HSD17B3: variants seen among roughly 807,000 people sequenced by gnomAD.
HSD17B3 encodes hydroxysteroid 17-beta dehydrogenase 3.
Under a neutral mutation model 41.1 loss-of-function variants are expected in HSD17B3, and 29 were observed. That is an observed-to-expected ratio of 0.71 (90% CI 0.53 to 0.96). The LOEUF (loss-of-function observed/expected upper bound fraction) is 0.96. Ranked by LOEUF, HSD17B3 falls within the 40% of genes least tolerant of loss-of-function variation. The pLI, the probability that HSD17B3 is intolerant of heterozygous loss-of-function variation, is 0.00. For synonymous variants in HSD17B3, 126 were observed against 145.6 expected, an observed-to-expected ratio of 0.87 and a Z score of 0.97; for missense variants, 323 against 374.6, an observed-to-expected ratio of 0.86 and a Z score of 1.14.
chr9:96,274,423 T>A (rs280657), intron 2 of HSD17B3, among the ~76,000 whole-genome samples: 53,082 of 152,088 alleles, frequency 0.35, 9,525 homozygotes, highest in Middle Eastern at 0.39. Context: ...ATTGCACCAC[T>A]GCACTACAGC....
chr9:96,290,206 T>G (rs1219020141), intron 2 of HSD17B3, among the ~76,000 whole-genome samples: 1 of 152,144 alleles, frequency 6.6e-6, no homozygotes. Flanking sequence ...CAAGTAATGC[T>G]TGAAATTCTT....
chr9:96,277,370 A>T (rs1826505977), intron 2 of HSD17B3, among the ~76,000 whole-genome samples: 1 of 152,226 alleles, frequency 6.6e-6, no homozygotes, highest in African/African-American at 2.4e-5. Flanking sequence ...ACTTAATAGC[A>T]AAACAAAACA....
chr9:96,297,043 A>C lies in HSD17B3; in HGVS notation c.201+1373T>G, dbSNP rs577499840. ...GAGCAAGTGTCTCAAAAAAAAAAAAACCCACAGTTTTGACATAAGAAAATG... is the reference window on the plus strand; with the variant it reads ...GAGCAAGTGTCTCAAAAAAAAAAAACCCCACAGTTTTGACATAAGAAAATG... On this transcript the variant is annotated intron_variant, in intron 2 of 10. Transcript: ENST00000375263. Among the ~76,000 whole-genome samples, 1,154 of 151,472 alleles carry C rather than the reference A, an allele frequency of 7.6e-3. 7 individuals carry two copies. Among genetic ancestry groups the C allele is most frequent in the South Asian group, 0.013 (64 of 4,812 alleles).
chr9:96,249,671 G>T, intron 6 of HSD17B3, 80 bp downstream of exon 6: 1 of 1,259,572 alleles, frequency 7.9e-7, no homozygotes, highest in Non-Finnish European at 1.2e-6. Flanking sequence ...CTTCTACAGT[G>T]GATGGGCACA....
At chr9:96,284,655 T>C (rs1326167101) in intron 2 of HSD17B3, among the ~76,000 whole-genome samples, 1 of 152,212 alleles carries the variant, frequency 6.6e-6, no homozygotes, top group East Asian at 1.9e-4. Context: ...ACAAGGTTTC[T>C]GACCCATAGT....
At chr9:96,272,237 T>C (rs2130763011) in intron 2 of HSD17B3, among the ~76,000 whole-genome samples, 1 of 150,140 alleles carries the variant, frequency 6.7e-6, no homozygotes, top group South Asian at 2.1e-4. Context: ...GGTGTGGTGG[T>C]ACGGACCTGT....
rs1356271154 is a variant in HSD17B3, at chr9:96,245,391, A to G, written c.560T>C (p.Ile187Thr). The change falls in exon 8 of 11, where the codon ATA becomes ACA. Residue 187 changes from isoleucine to threonine, a missense_variant. By Grantham distance (89) the Ile-to-Thr change is moderately conservative. Transcript: ENST00000375263. ...KGLILNISSG[I>T]ALFPWPLYSM... ...GTAGAGAGGCCAAGGAAACAGGGCT[A>G]TCCCAGAAGAAATGTTCAGGATGAG... 6.2e-7 allele frequency: 1 copy of G among 1,614,170 alleles called. No individual in the cohort carries two copies. Among genetic ancestry groups the G allele is most frequent in the Non-Finnish European group, 8.5e-7 (1 of 1,179,974 alleles).
At chr9:96,275,852 CA>C (rs1715586598) in intron 2 of HSD17B3, among the ~76,000 whole-genome samples, 2 of 151,804 alleles carry the variant, frequency 1.3e-5, no homozygotes, top group Non-Finnish European at 2.9e-5. Flanking sequence ...AACCACAAAA[CA>C]GACAGAAAAC....
intron 10 of HSD17B3, among the ~76,000 whole-genome samples, chr9:96,238,518 C>T (rs1836312587): frequency 6.6e-6 from 1 of 152,138 alleles, no homozygotes; most frequent in Non-Finnish European, 1.5e-5. Context: ...AAAAATTAGC[C>T]AGTTGTGGCA....
At position 96,299,586 on chromosome 9, in the gene HSD17B3, T is replaced by C. The variant is rs187905202; in HGVS notation, c.155-1124A>G. Among the ~76,000 whole-genome samples the C allele has an allele frequency of 8.5e-5, 13 of 152,324 alleles. No individual in the cohort carries two copies. The East Asian group carries it at 2.3e-3, about 27-fold the overall frequency. On this transcript the variant is annotated intron_variant, in intron 1 of 10. Transcript: ENST00000375263. Reference sequence around the variant, plus strand: ...CTTCTAGTGTTTTAGATGCATCATCTCATTTAATGTTCAAAACAAACCTAA... The same window carrying C: ...CTTCTAGTGTTTTAGATGCATCATCCCATTTAATGTTCAAAACAAACCTAA...
intron 1 of HSD17B3, among the ~76,000 whole-genome samples, chr9:96,301,450 C>T (rs8190490): frequency 0.16 from 23,298 of 150,154 alleles, 2,505 homozygotes; most frequent in Admixed American, 0.3. Flanking sequence ...CGGTGGCTCA[C>T]GCCTGTAATC....
intron 2 of HSD17B3, among the ~76,000 whole-genome samples, chr9:96,267,682 G>C (rs1826091973): frequency 6.6e-6 from 1 of 151,938 alleles, no homozygotes; most frequent in Non-Finnish European, 1.5e-5. Context: ...TTGCAGAAAG[G>C]AAAGCAAAGG....
rs8190506 is a variant in HSD17B3, at chr9:96,298,111, T to C, written c.201+305A>G. On this transcript the variant is annotated intron_variant, in intron 2 of 10. Coordinates refer to ENST00000375263, the MANE Select transcript of HSD17B3 (RefSeq NM_000197.2). Reference sequence around the variant, plus strand: ...TAAATAAAAGGAAAGTAGTTTATAATGTTTTGAAAAAATTAAAGTATATAA... The same window carrying C: ...TAAATAAAAGGAAAGTAGTTTATAACGTTTTGAAAAAATTAAAGTATATAA... Among the ~76,000 whole-genome samples, 705 of 152,334 alleles carry C rather than the reference T, an allele frequency of 4.6e-3. 8 individuals are homozygous for C. The highest frequency in any genetic ancestry group is 0.015 in the African/African-American group (627 of 41,576).
At chr9:96,269,840 G>T (rs938124442) in intron 2 of HSD17B3, among the ~76,000 whole-genome samples, 3 of 148,316 alleles carry the variant, frequency 2.0e-5, no homozygotes, top group African/African-American at 7.5e-5. Context: ...GGAGGCAAAA[G>T]TTGCCGTGAG....
At chr9:96,269,418 A>C in intron 2 of HSD17B3, among the ~76,000 whole-genome samples, 1 of 152,184 alleles carries the variant, frequency 6.6e-6, no homozygotes, top group East Asian at 1.9e-4. Flanking sequence ...AAGTGTTTCT[A>C]TCAGCAAAAA....
intron 6 of HSD17B3, 195 bp downstream of exon 6, chr9:96,249,556 A>G (rs1333708661): frequency 1.6e-6 from 1 of 621,348 alleles, no homozygotes; most frequent in East Asian, 2.7e-5. Context: ...TACAAGGGAG[A>G]GTTGAATCCA....
In HSD17B3 at chr9:96,302,136, C is replaced by T. The variant is rs1412109629; in HGVS notation, c.-32G>A. ...ACTCAACAGACTGTTTCAGCCCTGG[C>T]CGTGGCTCTCTGTGTATGCCTCCTG... is the stretch of plus-strand genomic sequence containing the variant. On this transcript the variant is annotated 5_prime_UTR_variant, in exon 1 of 11. Coordinates refer to ENST00000375263, the MANE Select transcript of HSD17B3 (RefSeq NM_000197.2). 1.2e-6 allele frequency: 2 copies of T among 1,610,416 alleles called. No homozygotes were observed. The highest frequency in any genetic ancestry group is 1.7e-5 in the Admixed American group (1 of 59,616).
chr9:96,275,136 T>C (rs1826400960), intron 2 of HSD17B3, among the ~76,000 whole-genome samples: 1 of 151,556 alleles, frequency 6.6e-6, no homozygotes, highest in South Asian at 2.1e-4. Context: ...CCCAGCACAA[T>C]TATCCTCTTT....
In HSD17B3 at chr9:96,235,509, A is replaced by G; in HGVS notation, c.884T>C (p.Leu295Pro). The G allele has an allele frequency of 6.2e-7, 1 of 1,614,152 alleles. No homozygotes were observed. The highest frequency in any genetic ancestry group is 8.5e-7 in the Non-Finnish European group (1 of 1,180,036). Residue 295 changes from leucine to proline, a missense_variant, in exon 11 of 11, where the codon CTC (leucine) becomes CCC (proline). By Grantham distance (98) the Leu-to-Pro change is moderately conservative. Coordinates refer to ENST00000375263, the MANE Select transcript of HSD17B3 (RefSeq NM_000197.2). ...AFYSGAFQRL[L>P]LTHYVAYLKL... Reference sequence around the variant, plus strand: ...CAGGTATGCCACATAGTGTGTCAGGAGCAGCCTTTGGAAGGCACCGCTGTA... The same window carrying G: ...CAGGTATGCCACATAGTGTGTCAGGGGCAGCCTTTGGAAGGCACCGCTGTA...
Sources: gnomAD v4.1 joint callset for allele counts (sites outside exome capture counted in the v4.1 genomes callset) on GRCh38, gnomAD v4.1.1 for gene constraint, MANE v1.5 for transcripts, NCBI Gene and HGNC (gene_info 2026-07-23, HGNC 2026-07-21) for gene names.